Variants in RASGEF1A observed in about 807,000 individuals in gnomAD.
RASGEF1A encodes ras-GEF domain-containing family member 1A.
RASGEF1A carries 18 observed loss-of-function variants against 56.4 expected under a neutral mutation model. The observed-to-expected ratio is 0.32, with a 90% CI of 0.22 to 0.47. The LOEUF (loss-of-function observed/expected upper bound fraction) is 0.47. RASGEF1A is among the 20% of genes least tolerant of loss of function. The pLI is 1.00. For synonymous variants in RASGEF1A, 245 were observed against 242.6 expected (o/e 1.01, Z -0.09); for missense variants, 422 against 627.1 (o/e 0.67, Z 3.49).
intron 2 of RASGEF1A, among the ~76,000 whole-genome samples, chr10:43,204,699 G>A (rs1264923797): frequency 2.0e-5 from 3 of 152,236 alleles, no homozygotes; most frequent in Non-Finnish European, 4.4e-5. Flanking sequence ...GTGCTCGGCA[G>A]AGGAGCCAAT....
chr10:43,257,485 G>A (rs972294100), intron 1 of RASGEF1A, among the ~76,000 whole-genome samples: 1 of 152,194 alleles, frequency 6.6e-6, no homozygotes, highest in African/African-American at 2.4e-5. Context: ...TGCCGCCTGG[G>A]GGCCTCTCCT....
chr10:43,211,573 C>T (rs936479775), intron 1 of RASGEF1A, among the ~76,000 whole-genome samples: 6 of 152,250 alleles, frequency 3.9e-5, no homozygotes, highest in African/African-American at 1.4e-4. Flanking sequence ...CCTTTTCAGG[C>T]TTGGCCCAAG....
intron 1 of RASGEF1A, among the ~76,000 whole-genome samples, chr10:43,218,909 A>G (rs540058557): frequency 6.6e-5 from 10 of 152,254 alleles, no homozygotes; most frequent in Non-Finnish European, 7.3e-5. Flanking sequence ...ATTTGAATTG[A>G]CTGAAGGAAT....
rs60277953 is a variant in RASGEF1A, at chr10:43,244,404, TAAA to T, written c.-7+22438_-7+22440del. Among the ~76,000 whole-genome samples the T allele has an allele frequency of 2.3e-4, 35 of 149,910 alleles. 3 individuals are homozygous for T. Among genetic ancestry groups the T allele is most frequent in the Admixed American group, 5.3e-4 (8 of 15,078 alleles). On this transcript the variant is annotated intron_variant, in intron 1 of 12. Transcript: ENST00000395810. ...CAATAAATACTAAAAATAAAAAAATTAAAAAAAAAAATCAGAAGACTTGAACAA... is the reference window on the plus strand; with the variant it reads ...CAATAAATACTAAAAATAAAAAAATTAAAAAAAATCAGAAGACTTGAACAA...
chr10:43,229,819 C>T, intron 1 of RASGEF1A: 2 of 1,101,804 alleles, frequency 1.8e-6, no homozygotes. Flanking sequence ...AGGGGCTGGG[C>T]TGGGGACCGC....
intron 10 of RASGEF1A, 143 bp downstream of exon 10, chr10:43,197,861 A>G (rs897870244): frequency 3.0e-6 from 2 of 665,692 alleles, no homozygotes; most frequent in Admixed American, 2.9e-5. Flanking sequence ...GTGACCCACT[A>G]TGAGGCTTTC....
intron 1 of RASGEF1A, among the ~76,000 whole-genome samples, chr10:43,233,374 A>T (rs1279954888): frequency 6.6e-6 from 1 of 152,240 alleles, no homozygotes; most frequent in Non-Finnish European, 1.5e-5. Flanking sequence ...ATATGGTTGT[A>T]TATATCCAGC....
chr10:43,266,552 G>C (rs1296346653), intron 1 of RASGEF1A, among the ~76,000 whole-genome samples: 2 of 150,222 alleles, frequency 1.3e-5, no homozygotes, highest in African/African-American at 4.9e-5. Context: ...CGCCCGGCCC[G>C]GCCCGGCCCG....
chr10:43,199,028 G>A lies in RASGEF1A; in HGVS notation c.953-16C>T, dbSNP rs373640232. ...TTCATGCCAGCTGCAGAGGACAGCA[G>A]GTAGGGTCAGGGCCGGGGGGGTGGG... On this transcript the variant is annotated splice_polypyrimidine_tract_variant and intron_variant, in intron 8 of 12. Transcript: ENST00000395810. 5 of 1,611,792 alleles carry A rather than the reference G, an allele frequency of 3.1e-6. No individual in the cohort carries two copies. The African/African-American group carries it at 5.3e-5, about 17-fold the overall frequency.
At chr10:43,211,778 C>A (rs1005707321) in intron 1 of RASGEF1A, among the ~76,000 whole-genome samples, 2 of 152,218 alleles carry the variant, frequency 1.3e-5, no homozygotes, top group Non-Finnish European at 2.9e-5. Flanking sequence ...GATCCTGGGC[C>A]TGGGACTGCA....
At chr10:43,225,427 G>T (rs1328326025) in intron 1 of RASGEF1A, among the ~76,000 whole-genome samples, 2 of 151,722 alleles carry the variant, frequency 1.3e-5, no homozygotes, top group African/African-American at 4.8e-5. Flanking sequence ...CTCTGTGTCT[G>T]TGTCTCTGTA....
chr10:43,218,854 A>G (rs912409698), intron 1 of RASGEF1A, among the ~76,000 whole-genome samples: 6 of 152,232 alleles, frequency 3.9e-5, no homozygotes, highest in African/African-American at 1.4e-4. Flanking sequence ...TTACAGACAC[A>G]TGATTCATTT....
chr10:43,209,398 C>T (rs931289388), intron 1 of RASGEF1A, among the ~76,000 whole-genome samples: 2 of 152,166 alleles, frequency 1.3e-5, no homozygotes, highest in Non-Finnish European at 2.9e-5. Context: ...AGCCCAAGTC[C>T]GAGCCTGGCT....
At position 43,218,552 on chromosome 10, in the gene RASGEF1A, G is replaced by GGGCAGGGAACTCCCTGCAGCCC. The variant is rs1491472595; in HGVS notation, c.-6-12452_-6-12431dup. ...ACATGCTGGCCCCATTCCTGCAGCA[G>GGGCAGGGAACTCCCTGCAGCCC]GGCAGGGAACTCCCTGCAGCCCCTG... On this transcript the variant is annotated intron_variant, in intron 1 of 12. Transcript: ENST00000395810. Among the ~76,000 whole-genome samples, 5 of 151,958 alleles carry GGGCAGGGAACTCCCTGCAGCCC rather than the reference G, an allele frequency of 3.3e-5. No individual in the cohort carries two copies. In the East Asian group the frequency reaches 9.6e-4, roughly 29 times the overall value.
chr10:43,214,807 T>C (rs376210680), intron 1 of RASGEF1A, among the ~76,000 whole-genome samples: 1 of 152,188 alleles, frequency 6.6e-6, no homozygotes, highest in East Asian at 1.9e-4. Flanking sequence ...TGTGCATCGT[T>C]AGGAGTTAGA....
intron 1 of RASGEF1A, among the ~76,000 whole-genome samples, chr10:43,223,759 C>T (rs1055698838): frequency 1.3e-5 from 2 of 151,752 alleles, no homozygotes; most frequent in Non-Finnish European, 2.9e-5. Context: ...GGCCAGGCAC[C>T]CTGGATCATG....
In RASGEF1A at chr10:43,263,632, G is replaced by A. The variant is rs539647451; in HGVS notation, c.-7+3213C>T. On this transcript the variant is annotated intron_variant, in intron 1 of 12. Transcript: ENST00000395810. ...AGCTCACAAGAGACAAGCAGGTCTC[G>A]GAGCCCCTGCTGGCTGCCCTGGGCA... Among the ~76,000 whole-genome samples, 17 of 152,170 alleles carry A rather than the reference G, an allele frequency of 1.1e-4. No homozygotes were observed. The East Asian group carries it at 2.7e-3, about 24-fold the overall frequency.
intron 1 of RASGEF1A, among the ~76,000 whole-genome samples, chr10:43,216,941 G>A (rs545464728): frequency 7.6e-4 from 116 of 152,198 alleles, no homozygotes; most frequent in Non-Finnish European, 1.1e-3. Flanking sequence ...CTCCTTTGCC[G>A]CTCACCCTTC....
At chr10:43,219,706 C>T (rs112786250) in intron 1 of RASGEF1A, among the ~76,000 whole-genome samples, 5 of 152,226 alleles carry the variant, frequency 3.3e-5, no homozygotes, top group South Asian at 2.1e-4. Context: ...GATGGCCAGC[C>T]GCGTAGGCCA....
Sources: allele counts gnomAD v4.1 joint callset (sites outside exome capture counted in the v4.1 genomes callset), GRCh38; gene constraint gnomAD v4.1.1; transcripts MANE v1.5; gene names NCBI Gene and HGNC (gene_info 2026-07-23, HGNC 2026-07-21).